CASP8: variants seen among roughly 807,000 people sequenced by gnomAD.
The protein encoded by CASP8 is caspase-8.
A neutral mutation model predicts 46.3 loss-of-function variants in CASP8; 24 were observed. The observed-to-expected ratio is 0.52, with a 90% CI of 0.38 to 0.73. The LOEUF is 0.73. Among genes scored for constraint, CASP8 ranks in the 30% least tolerant of loss-of-function variants. The pLI, the probability that CASP8 is intolerant of heterozygous loss-of-function variation, is 0.00. For synonymous variants in CASP8, 188 were observed against 200.4 expected (o/e 0.94, Z 0.52); for missense variants, 460 against 559.0 (o/e 0.82, Z 1.79).
chr2:201,283,367 C>T (rs1363797053), intron 7 of CASP8, among the ~76,000 whole-genome samples: 40 of 63,276 alleles, frequency 6.3e-4, no homozygotes, highest in African/African-American at 2.0e-3. Flanking sequence ...CCTCACCTCC[C>T]GGACGGGGCG....
At chr2:201,279,474 C>T (rs569298490) in intron 7 of CASP8, among the ~76,000 whole-genome samples, 2 of 152,320 alleles carry the variant, frequency 1.3e-5, no homozygotes, top group Admixed American at 1.3e-4. Context: ...AAAATACATA[C>T]AGATAATGAC....
chr2:201,269,763 T>A (rs1425218267), intron 2 of CASP8, among the ~76,000 whole-genome samples: 1 of 152,264 alleles, frequency 6.6e-6, no homozygotes, highest in East Asian at 1.9e-4. Flanking sequence ...CTAGACATTT[T>A]ATTTTCCAGT....
chr2:201,258,332 G>A (rs2125047544), upstream of CASP8: 1 of 1,614,066 alleles, frequency 6.2e-7, no homozygotes, highest in Non-Finnish European at 8.5e-7. Flanking sequence ...GTGGAGTTAG[G>A]CAGGTTAGGG....
rs894088325 is a variant in CASP8, at chr2:201,287,560, A to C, written c.*966A>C. The C allele has an allele frequency of 6.5e-6, 1 of 154,786 alleles. No individual in the cohort carries two copies. Among genetic ancestry groups the C allele is most frequent in the African/African-American group, 2.4e-5 (1 of 41,502 alleles). 9.6% of individuals were successfully genotyped at this position (154,786 alleles called of 1,614,324 possible). ...GGCTAACTATATTTGCTTTTTGCTA[A>C]CAATGCTCTGGGGTCTTTTTATGCA... is the stretch of plus-strand genomic sequence containing the variant. On this transcript the variant is annotated 3_prime_UTR_variant, in exon 9 of 9. Transcript: ENST00000673742.
chr2:201,241,361 T>C (rs1033548164), intron 2 of CASP8: 3 of 151,926 alleles, frequency 2.0e-5, no homozygotes, highest in Non-Finnish European at 4.4e-5. Context: ...ATATCAGAAA[T>C]AAAAGAGGAG....
chr2:201,238,546 A>G (rs1576183582), intron 2 of CASP8, among the ~76,000 whole-genome samples: 1 of 151,870 alleles, frequency 6.6e-6, no homozygotes, highest in East Asian at 1.9e-4. Flanking sequence ...GGTTCAAGCA[A>G]TTCTCCTGCC....
In CASP8 at chr2:201,276,112, G is replaced by C. The variant is rs1948613087; in HGVS notation, c.661-715G>C. Among the ~76,000 whole-genome samples the C allele has an allele frequency of 2.0e-5, 3 of 152,114 alleles. No homozygotes were observed. The South Asian group carries it at 6.2e-4, about 32-fold the overall frequency. ...TTTCTCCACCTCAAGGGGCTACGCA[G>C]ACCTCCAACTAAATGCTGAGTTTCT... On this transcript the variant is annotated intron_variant, in intron 6 of 8. Coordinates refer to ENST00000673742, the MANE Select transcript of CASP8 (RefSeq NM_001372051.1).
chr2:201,264,693 G>A (rs1299640150), intron 1 of CASP8, among the ~76,000 whole-genome samples: 1 of 152,174 alleles, frequency 6.6e-6, no homozygotes, highest in Non-Finnish European at 1.5e-5. Flanking sequence ...ATAGCCTGGT[G>A]TGGTAGTTTG....
At chr2:201,242,957 C>G (rs148297750) in intron 2 of CASP8, 1 of 155,884 alleles carries the variant, frequency 6.4e-6, no homozygotes, top group Non-Finnish European at 1.4e-5. Flanking sequence ...AGACATTATG[C>G]TAAGTGAAAT....
chr2:201,283,191 C>T (rs1949244684), intron 7 of CASP8, among the ~76,000 whole-genome samples: 1 of 80,338 alleles, frequency 1.2e-5, no homozygotes, highest in Non-Finnish European at 3.0e-5. Context: ...CCCCTCACCT[C>T]CTGGACGGGG....
At chr2:201,282,787 C>A (rs1286149022) in intron 7 of CASP8, among the ~76,000 whole-genome samples, 975 of 80,234 alleles carry the variant, frequency 0.012, 19 homozygotes, top group African/African-American at 0.047. Context: ...CGCCCCTCAC[C>A]TCCCGGACGG....
chr2:201,258,972 T>TTTTTAA (rs1227961590), upstream of CASP8, among the ~76,000 whole-genome samples: 3 of 129,386 alleles, frequency 2.3e-5, no homozygotes, highest in African/African-American at 8.7e-5. Context: ...TGTACACTGT[T>TTTTTAA]TTTTAACTAT....
At chr2:201,239,277 G>T (rs1946195474) in intron 2 of CASP8, among the ~76,000 whole-genome samples, 1 of 152,118 alleles carries the variant, frequency 6.6e-6, no homozygotes. Context: ...TCAATGAGCT[G>T]CTGGGTACAC....
chr2:201,275,055 C>T (rs1055390288), intron 6 of CASP8, 102 bp downstream of exon 6: 204 of 823,208 alleles, frequency 2.5e-4, no homozygotes, highest in Middle Eastern at 1.1e-3. Flanking sequence ...TGACAAGGGG[C>T]AGAAACTTAC....
intron 1 of CASP8, among the ~76,000 whole-genome samples, chr2:201,261,568 G>A (rs1302078999): frequency 6.6e-6 from 1 of 152,134 alleles, no homozygotes; most frequent in Non-Finnish European, 1.5e-5. Context: ...CTGAGGTTTG[G>A]ACACCTTTGC....
intron 1 of CASP8, among the ~76,000 whole-genome samples, chr2:201,261,263 T>C (rs6758167): frequency 0.083 from 12,570 of 151,884 alleles, 944 homozygotes; most frequent in African/African-American, 0.2. Context: ...TGATGGCGCA[T>C]GCCTGTAATC....
upstream of CASP8, chr2:201,258,301 A>G (rs945100970): frequency 8.7e-6 from 14 of 1,612,934 alleles, no homozygotes; most frequent in Non-Finnish European, 1.2e-5. Flanking sequence ...AGCCTTTCCC[A>G]CCCCCTTCCC....
intron 7 of CASP8, chr2:201,277,702 A>ATTTTTT: frequency 2.5e-6 from 1 of 403,050 alleles, no homozygotes; most frequent in Non-Finnish European, 4.9e-6. Context: ...CCCTATTAAC[A>ATTTTTT]TTTTTTTTTT....
rs1276557229 is a variant in CASP8 at position 201,287,634 on chromosome 2, A to G, written c.*1040A>G. The G allele has an allele frequency of 1.3e-5, 2 of 153,982 alleles. No homozygotes were observed. Among genetic ancestry groups the G allele is most frequent in the African/African-American group, 2.4e-5 (1 of 41,414 alleles). The allele number at this position is 153,982 out of a possible 1,614,324, so 9.5% of individuals were successfully genotyped here. A position where few individuals can be genotyped will look rare whatever the true frequency, so the allele number is the denominator to read the frequency against. On this transcript the variant is annotated 3_prime_UTR_variant, in exon 9 of 9. Coordinates refer to ENST00000673742, the MANE Select transcript of CASP8 (RefSeq NM_001372051.1). ...GCTTGGATTATTTTAAATCATTAGG[A>G]ATTAAGTTATCTTTAAAATTTAAGT... is the stretch of plus-strand genomic sequence containing the variant.
Sources: allele counts gnomAD v4.1 joint callset (sites outside exome capture counted in the v4.1 genomes callset), GRCh38; gene constraint gnomAD v4.1.1; transcripts MANE v1.5; gene names NCBI Gene and HGNC (gene_info 2026-07-23, HGNC 2026-07-21).